CARMIL1: variants seen among roughly 807,000 people sequenced by gnomAD.
CARMIL1 encodes F-actin-uncapping protein LRRC16A.
CARMIL1 carries 90 observed loss-of-function variants against 177.1 expected under a neutral mutation model. The ratio of observed to expected loss-of-function variants is 0.51; its 90% CI spans 0.43 to 0.61. CARMIL1 has a LOEUF of 0.61. CARMIL1 is among the 20% of genes least tolerant of loss of function. The pLI is 0.00. For missense variants in CARMIL1, 1,380 were observed against 1,667.0 expected, an observed-to-expected ratio of 0.83 and a Z score of 3.00; for synonymous variants, 577 against 606.2, an observed-to-expected ratio of 0.95 and a Z score of 0.71.
chr6:25,306,626 C>A (rs915765699), intron 2 of CARMIL1, among the ~76,000 whole-genome samples: 1 of 152,144 alleles, frequency 6.6e-6, no homozygotes, highest in African/African-American at 2.4e-5. Flanking sequence ...GAAGTTCATT[C>A]CTTTTTAATG....
At chr6:25,445,695 C>T (rs190132156) in intron 5 of CARMIL1, among the ~76,000 whole-genome samples, 137 of 151,994 alleles carry the variant, frequency 9.0e-4, no homozygotes, top group African/African-American at 2.7e-3. Flanking sequence ...CCACCAGGTC[C>T]GGCTAATTTT....
intron 20 of CARMIL1, among the ~76,000 whole-genome samples, chr6:25,513,951 G>A (rs35789010): frequency 0.04 from 6,094 of 152,258 alleles, 161 homozygotes; most frequent in Non-Finnish European, 0.065. Context: ...GACATTTAGA[G>A]CTACATTGGT....
chr6:25,584,031 T>TC lies in CARMIL1; in HGVS notation c.3006+2592_3006+2593insC, dbSNP rs915491423. ...TTATCTTTTCTTTTCTTTTTCTTTT[T>TC]TTTTTTTTTTTTTTGAGACAGGTTC... On this transcript the variant is annotated intron_variant, in intron 31 of 36. Transcript: ENST00000329474. Among the ~76,000 whole-genome samples, 14 of 140,128 alleles carry TC rather than the reference T, an allele frequency of 1.0e-4. No individual in the cohort carries two copies. The East Asian group carries it at 2.0e-3, about 20-fold the overall frequency. 91.9% of individuals were successfully genotyped at this position (140,128 alleles called of 152,430 possible). A position where few individuals can be genotyped will look rare whatever the true frequency, so the allele number is the denominator to read the frequency against.
chr6:25,471,345 T>TA, intron 10 of CARMIL1, 88 bp downstream of exon 10: 1 of 876,120 alleles, frequency 1.1e-6, no homozygotes, highest in South Asian at 1.9e-5. Context: ...TTTTTTTTTT[T>TA]AATTGGGCTG....
Position 25,528,843 on chromosome 6 carries a change from G to A in CARMIL1, c.2017G>A (p.Glu673Lys). 1.2e-6 allele frequency: 2 copies of A among 1,610,514 alleles called. No homozygotes were observed. Among genetic ancestry groups the A allele is most frequent in the Non-Finnish European group, 1.7e-6 (2 of 1,178,414 alleles). The change falls in exon 24 of 37, where the codon GAG (glutamate) becomes AAG (lysine). Residue 673 changes from glutamate (E) to lysine (K), a missense_variant. Coordinates refer to ENST00000329474, the MANE Select transcript of CARMIL1 (RefSeq NM_017640.6). Reference protein sequence around the residue: ...RNHETRKYLQEQAYRLQQGIV... With the variant: ...RNHETRKYLQKQAYRLQQGIV... ...TCACGAGACTAGAAAATACCTTCAA[G>A]AGCAGGCCTACCGCCTGCAGCAGGG...
chr6:25,474,862 G>T (rs1211785260), intron 11 of CARMIL1, among the ~76,000 whole-genome samples: 1 of 152,198 alleles, frequency 6.6e-6, no homozygotes, highest in Non-Finnish European at 1.5e-5. Context: ...ATCTCTAGAG[G>T]GAGGTAGTTG....
intron 9 of CARMIL1, among the ~76,000 whole-genome samples, chr6:25,468,551 C>A (rs1211682868): frequency 6.6e-6 from 1 of 152,250 alleles, no homozygotes; most frequent in Non-Finnish European, 1.5e-5. Context: ...ATTTCCTAAA[C>A]TGATGCACGT....
chr6:25,459,419 AT>A (rs956534185), intron 8 of CARMIL1, among the ~76,000 whole-genome samples: 67 of 150,938 alleles, frequency 4.4e-4, no homozygotes, highest in African/African-American at 1.5e-3. Context: ...TTTACATTTT[AT>A]TTATGATTTA....
At chr6:25,589,947 G>A (rs1036167159) in intron 31 of CARMIL1, among the ~76,000 whole-genome samples, 6 of 152,158 alleles carry the variant, frequency 3.9e-5, no homozygotes, top group African/African-American at 1.4e-4. Context: ...AGAGAAAAAG[G>A]GGGTGCATGC....
At chr6:25,599,818 T>C (rs1312307067) in intron 32 of CARMIL1, among the ~76,000 whole-genome samples, 1 of 152,162 alleles carries the variant, frequency 6.6e-6, no homozygotes, top group Non-Finnish European at 1.5e-5. Flanking sequence ...GGTTGTTTTC[T>C]GATGACTATC....
At chr6:25,445,535 T>C (rs879411342) in intron 5 of CARMIL1, among the ~76,000 whole-genome samples, 27 of 149,992 alleles carry the variant, frequency 1.8e-4, no homozygotes, top group Non-Finnish European at 2.8e-4. Context: ...AAAATATATT[T>C]CTTTTTTTTT....
intron 10 of CARMIL1, 74 bp downstream of exon 10, chr6:25,471,331 G>GTTTTT: frequency 6.7e-6 from 5 of 743,320 alleles, no homozygotes; most frequent in South Asian, 2.8e-5. Context: ...TTAATTCATA[G>GTTTTT]TTTTTTTTTT....
At chr6:25,344,646 T>C (rs1044257954) in intron 2 of CARMIL1, among the ~76,000 whole-genome samples, 41 of 152,160 alleles carry the variant, frequency 2.7e-4, no homozygotes, top group African/African-American at 9.6e-4. Context: ...GCATACTTTC[T>C]ACTTGCTGTT....
Position 25,515,282 on chromosome 6 carries a change from G to A in CARMIL1, c.1633-393G>A, listed in dbSNP as rs1805862142. Among the ~76,000 whole-genome samples the A allele has an allele frequency of 6.6e-6, 1 of 152,140 alleles. No individual in the cohort carries two copies. Among genetic ancestry groups the A allele is most frequent in the Non-Finnish European group, 1.5e-5 (1 of 68,024 alleles). ...TTTATCTTGTATTTGTCCTCTATTA[G>A]TATTTTAAGGTGTCATTTCACCTTG... On this transcript the variant is annotated intron_variant, in intron 20 of 36. Transcript: ENST00000329474. This position sits in a 1 kb window ranked among gnomAD's most constrained non-coding sequence, Gnocchi z 5.0.
At chr6:25,426,594 G>A (rs747134753) in intron 4 of CARMIL1, 34 bp downstream of exon 4, 2 of 1,576,014 alleles carry the variant, frequency 1.3e-6, no homozygotes, top group Non-Finnish European at 1.7e-6. Flanking sequence ...GCAAGATCAT[G>A]ATCTTTCTTG....
intron 2 of CARMIL1, among the ~76,000 whole-genome samples, chr6:25,388,711 C>G (rs2150521630): frequency 6.6e-6 from 1 of 151,984 alleles, no homozygotes; most frequent in Non-Finnish European, 1.5e-5. Context: ...GCTCTGTCAT[C>G]TAGGCTGGAG....
chr6:25,512,810 G>C (rs1805584336), intron 20 of CARMIL1, among the ~76,000 whole-genome samples: 1 of 152,118 alleles, frequency 6.6e-6, no homozygotes, highest in Non-Finnish European at 1.5e-5. Context: ...AAGATGACAG[G>C]GAGTTTTGTT....
rs370007359 is a variant in CARMIL1 at position 25,555,983 on chromosome 6, A to G, written c.2593-718A>G. ...AACATTAATACTGCTGATTTAGATT[A>G]TAAGGAAAGAGATTAAGTCTCATAT... On this transcript the variant is annotated intron_variant, in intron 28 of 36. Coordinates refer to ENST00000329474, the MANE Select transcript of CARMIL1 (RefSeq NM_017640.6). 1.8e-4 allele frequency among the ~76,000 whole-genome samples: 28 copies of G among 152,318 alleles called. No individual in the cohort carries two copies. In the East Asian group the frequency reaches 3.1e-3, roughly 17 times the overall value.
At chr6:25,401,264 G>C (rs1793860031) in intron 2 of CARMIL1, among the ~76,000 whole-genome samples, 3 of 140,744 alleles carry the variant, frequency 2.1e-5, no homozygotes, top group Admixed American at 1.4e-4. Context: ...CCCCCCAGAA[G>C]AAACATTTTA....
Sources: gnomAD v4.1 joint callset for allele counts (sites outside exome capture counted in the v4.1 genomes callset) on GRCh38, gnomAD v4.1.1 for gene constraint, Gnocchi (gnomAD v3.1) non-coding constraint, MANE v1.5 for transcripts, NCBI Gene and HGNC (gene_info 2026-07-23, HGNC 2026-07-21) for gene names.